The following PLXNB3 variants were observed in gnomAD, a reference collection of about 807,000 sequenced individuals.
PLXNB3 encodes the protein plexin-B3.
In PLXNB3, 80 loss-of-function variants were observed where a neutral mutation model predicts 125.7. That is an observed-to-expected ratio of 0.64 (90% CI 0.53 to 0.77). The LOEUF (loss-of-function observed/expected upper bound fraction) is 0.77. Ranked by LOEUF, PLXNB3 falls within the 30% of genes least tolerant of loss-of-function variation. PLXNB3 has a pLI of 0.00. For synonymous variants in PLXNB3, 954 were observed against 783.3 expected, an observed-to-expected ratio of 1.22 and a Z score of -3.64; for missense variants, 1,836 against 1,729.3, an observed-to-expected ratio of 1.06 and a Z score of -1.09.
At chrX:153,774,662 T>C (rs1293808316) in intron 22 of PLXNB3, 44 bp from the exon 23 acceptor site, 7 of 1,148,950 alleles carry the variant, frequency 6.1e-6, no homozygotes, top group African/African-American at 5.3e-5. Flanking sequence ...CCCTGGCTGA[T>C]GCTGGCCCCG....
chrX:153,766,633 G>A (rs977172968), intron 2 of PLXNB3: 9 of 751,458 alleles, frequency 1.2e-5, no homozygotes, highest in African/African-American at 2.3e-5. Context: ...GTGCGTGCAT[G>A]CACCCCTCCC....
chrX:153,776,257 C>T, intron 27 of PLXNB3, 43 bp downstream of exon 27: 3 of 1,092,398 alleles, frequency 2.7e-6, no homozygotes, highest in South Asian at 2.1e-5. Flanking sequence ...GGACCCTTCC[C>T]TACCCCTCCG....
At chrX:153,775,853 G>A (rs202113937) in intron 26 of PLXNB3, 34 bp from the exon 27 acceptor site, 135 of 1,182,276 alleles carry the variant, frequency 1.1e-4, no homozygotes, top group Non-Finnish European at 3.5e-5. Flanking sequence ...ATCCTCCCTC[G>A]CTTGGCTGAT....
At chrX:153,766,297 T>C (rs1355360221) in intron 2 of PLXNB3, 3 of 1,162,808 alleles carry the variant, frequency 2.6e-6, no homozygotes, top group Non-Finnish European at 3.4e-6. Context: ...GGAGGGTTCC[T>C]CCTTGCAGCC....
chrX:153,772,549 G>A, intron 16 of PLXNB3: 1 of 517,473 alleles, frequency 1.9e-6, no homozygotes, highest in South Asian at 4.2e-5. Flanking sequence ...GTGAGGGCAG[G>A]GGTGGGTTCT....
chrX:153,774,117 C>A lies in PLXNB3; in HGVS notation c.3519+19C>A. 8.4e-7 allele frequency: 1 copy of A among 1,189,762 alleles called. No homozygotes were observed. ...TGTGGAGGTGAGGGCCACCTTCAAC[C>A]CTGCCCCGCCACGGTGCTCAGGCCG... is the stretch of plus-strand genomic sequence containing the variant. On this transcript the variant is annotated intron_variant, in intron 20 of 35. Transcript: ENST00000361971.
intron 2 of PLXNB3, chrX:153,766,225 T>C (rs2091855645): frequency 8.6e-7 from 1 of 1,164,200 alleles, no homozygotes; most frequent in East Asian, 3.3e-5. Flanking sequence ...AGCTCACCCC[T>C]GCCTCTTCGC....
At position 153,767,689 on chromosome X, in the gene PLXNB3, C is replaced by G; in HGVS notation, c.862C>G (p.Leu288Val). The change falls in exon 3 of 36, where the codon CTC (leucine) becomes GTC (valine). Residue 288 changes from leucine to valine, a missense_variant. Physicochemically the swap from Leu to Val is conservative, Grantham distance 32. Transcript: ENST00000361971. ...EVPLACQGQG[L>V]IQAAFLAPGT... is the part of the protein sequence containing the mutation. Reference sequence around the variant, plus strand: ...CCCCCTCGCCTGCCAGGGCCAGGGCCTCATCCAGGCCGCCTTCCTTGCCCC... The same window carrying G: ...CCCCCTCGCCTGCCAGGGCCAGGGCGTCATCCAGGCCGCCTTCCTTGCCCC... 3 of 1,186,426 alleles carry G rather than the reference C, an allele frequency of 2.5e-6. No homozygotes were observed. The highest frequency in any genetic ancestry group is 3.4e-6 in the Non-Finnish European group (3 of 882,697).
In PLXNB3 at chrX:153,771,479, TC is replaced by T. The variant is rs782679903; in HGVS notation, c.2348-4del. 2.4e-3 allele frequency: 2,948 copies of T among 1,205,092 alleles called. 5 individuals are homozygous for T. The highest frequency in any genetic ancestry group is 2.6e-3 in the Non-Finnish European group (2,364 of 892,313). On this transcript the variant is annotated splice_polypyrimidine_tract_variant and splice_region_variant and intron_variant, in intron 13 of 35. Transcript: ENST00000361971. ...AGGCGCTCAGCACACTGCCTGACCC[TC>T]CCTAGTGATCCTGTACGACTGCGCC...
chrX:153,777,292 A>C lies in PLXNB3; in HGVS notation c.5012A>C (p.Lys1671Thr), dbSNP rs781924481. Residue 1671 changes from lysine (K) to threonine (T), a missense_variant, in exon 30 of 36, where the codon AAG becomes ACG. Transcript: ENST00000361971. ...GCCACCGAGGAGCCAGAAGGGGCCA[A>C]GGTGCGGTGCAGCAGCCTGCGGGAG... The part of the protein sequence containing the change: ...VKATEEPEGA[K>T]VRCSSLRERE... 6.6e-6 allele frequency: 8 copies of C among 1,203,718 alleles called. No homozygotes were observed. The African/African-American group carries it at 1.4e-4, about 21-fold the overall frequency.
In PLXNB3 at chrX:153,773,534, C is replaced by T. The variant is rs782082528; in HGVS notation, c.3100C>T (p.Arg1034Cys). 2 of 1,196,097 alleles carry T rather than the reference C, an allele frequency of 1.7e-6. No individual in the cohort carries two copies. The highest frequency in any genetic ancestry group is 2.3e-6 in the Non-Finnish European group (2 of 887,149). The stretch of plus-strand genomic sequence containing the variant: ...CTGGTACAGGGGTGGGCGACTGATC[C>T]GTGTCAGGGGCACCGGCCTAGACGT... ...ASFRGGGRLI[R>C]VRGTGLDVVQ... The change falls in exon 19 of 36, where the codon CGT becomes TGT. Residue 1034 changes from arginine to cysteine, a missense_variant. By Grantham distance (180) the Arg-to-Cys change is radical. Coordinates refer to ENST00000361971, the MANE Select transcript of PLXNB3 (RefSeq NM_005393.3).
At position 153,775,430 on chromosome X, in the gene PLXNB3, G is replaced by T. The variant is rs781847287; in HGVS notation, c.4334+27G>T. 4 of 1,191,135 alleles carry T rather than the reference G, an allele frequency of 3.4e-6. No individual in the cohort carries two copies. The African/African-American group carries it at 7.0e-5, about 21-fold the overall frequency. On this transcript the variant is annotated intron_variant, in intron 25 of 35. Transcript: ENST00000361971. ...TTGGCCTTGACCTGGACCCGGTGGC[G>T]GGGGTGAGGGCTTGCCACAGACCTG...
intron 27 of PLXNB3, 68 bp from the exon 28 acceptor site, chrX:153,776,288 G>A (rs906540875): frequency 5.6e-6 from 6 of 1,069,862 alleles, no homozygotes; most frequent in Non-Finnish European, 7.7e-6. Context: ...CCCCTCAACT[G>A]TGTCTTACTA....
chrX:153,774,173 ATG>A lies in PLXNB3; in HGVS notation c.3520-7_3520-6del. ...GTGGGGGCCAGCGGCTTAGGCTCCC[ATG>A]TGTGTCCCAGGGCGAGGGCCTCAAC... On this transcript the variant is annotated splice_polypyrimidine_tract_variant and intron_variant, in intron 20 of 35. Transcript: ENST00000361971. 1 of 1,204,208 alleles carries A rather than the reference ATG, an allele frequency of 8.3e-7. No individual in the cohort carries two copies. Among genetic ancestry groups the A allele is most frequent in the Non-Finnish European group, 1.1e-6 (1 of 894,517 alleles).
At position 153,778,080 on chromosome X, in the gene PLXNB3, G is replaced by A. The variant is rs782596559; in HGVS notation, c.5394G>A (p.Glu1798=). Residue 1798 remains glutamate, a synonymous_variant, in exon 32 of 36, where the codon GAG becomes GAA. Coordinates refer to ENST00000361971, the MANE Select transcript of PLXNB3 (RefSeq NM_005393.3). ...TCATTGACTCCTGTACCACCTCGGA[G>A]CATAAAGTGGGCCGGGTGAGAGCAG... is the stretch of plus-strand genomic sequence containing the variant. ...QTFIDSCTTS[E]HKVGRDSPVN... 2 of 1,210,330 alleles carry A rather than the reference G, an allele frequency of 1.7e-6. No homozygotes were observed. The highest frequency in any genetic ancestry group is 4.4e-5 in the Admixed American group (2 of 45,920).
At chrX:153,775,573 C>T in intron 25 of PLXNB3, 21 bp from the exon 26 acceptor site, 1 of 1,206,195 alleles carries the variant, frequency 8.3e-7, no homozygotes, top group Admixed American at 2.2e-5. Flanking sequence ...AAGGCCTGAC[C>T]CTGTGGCCGG....
intron 2 of PLXNB3, chrX:153,765,795 C>G: frequency 5.3e-6 from 4 of 754,757 alleles, no homozygotes; most frequent in Non-Finnish European, 6.3e-6. Context: ...GCTGCTCTGC[C>G]CTGAGTCGCA....
Position 153,771,030 on chromosome X carries a change from C to A in PLXNB3, c.2202C>A (p.Thr734=). The part of the protein sequence containing the change: ...LPGELRGLPA[T]LEETAGDSGL... Reference sequence around the variant, plus strand: ...GAGAACTTCGGGGACTGCCGGCCACCCTGGAGGAGACAGCAGGGGATTCAG... The same window carrying A: ...GAGAACTTCGGGGACTGCCGGCCACACTGGAGGAGACAGCAGGGGATTCAG... The change falls in exon 12 of 36, where the codon ACC becomes ACA. Residue 734 remains threonine, a synonymous_variant. Transcript: ENST00000361971. The A allele has an allele frequency of 1.7e-6, 2 of 1,210,429 alleles. No individual in the cohort carries two copies.
At chrX:153,771,757 C>T in intron 14 of PLXNB3, 102 bp downstream of exon 14, 1 of 1,130,783 alleles carries the variant, frequency 8.8e-7, no homozygotes, top group East Asian at 3.2e-5. Flanking sequence ...GGCCCCCAAA[C>T]CCCAGCAGCT....
Sources: gnomAD v4.1 joint callset for allele counts on GRCh38, gnomAD v4.1.1 for gene constraint, MANE v1.5 for transcripts, NCBI Gene and HGNC (gene_info 2026-07-23, HGNC 2026-07-21) for gene names.